RCAN2: variants seen among roughly 807,000 people sequenced by gnomAD.
RCAN2 encodes the protein calcipressin-2.
Under a neutral mutation model 23.6 loss-of-function variants are expected in RCAN2, and 9 were observed. That is an observed-to-expected ratio of 0.38 (90% CI 0.23 to 0.67). The LOEUF is 0.67. RCAN2 is among the 30% of genes least tolerant of loss of function. The pLI is 0.51. For missense variants in RCAN2, 273 were observed against 302.3 expected (o/e 0.90, Z 0.72); for synonymous variants, 109 against 115.7 (o/e 0.94, Z 0.37).
chr6:46,282,477 AAAAC>A (rs147302163), intron 2 of RCAN2, among the ~76,000 whole-genome samples: 115,119 of 150,672 alleles, frequency 0.76, 44,386 homozygotes, highest in Non-Finnish European at 0.83. Flanking sequence ...ACTCTGTCTC[AAAAC>A]AAACAAACAA....
chr6:46,457,269 C>T (rs1311773637), intron 1 of RCAN2, among the ~76,000 whole-genome samples: 2 of 152,128 alleles, frequency 1.3e-5, no homozygotes, highest in Admixed American at 1.3e-4. Context: ...CCACTACTAC[C>T]AATGTCTATC....
At chr6:46,312,124 T>G (rs1000399654) in intron 2 of RCAN2, among the ~76,000 whole-genome samples, 1 of 152,128 alleles carries the variant, frequency 6.6e-6, no homozygotes, top group Non-Finnish European at 1.5e-5. Context: ...ATACTTAACC[T>G]ATGAAGCTGT....
intron 2 of RCAN2, among the ~76,000 whole-genome samples, chr6:46,309,122 T>C (rs1356909287): frequency 6.6e-6 from 1 of 152,122 alleles, no homozygotes; most frequent in African/African-American, 2.4e-5. Flanking sequence ...TTTGCAGAAA[T>C]GAAGCCAGGA....
intron 2 of RCAN2, among the ~76,000 whole-genome samples, chr6:46,423,450 C>T (rs1367786222): frequency 1.3e-5 from 2 of 152,174 alleles, no homozygotes; most frequent in African/African-American, 2.4e-5. Flanking sequence ...GCTATTTCTC[C>T]TCCTTCTTGA....
At chr6:46,229,218 C>T (rs1326812320) in intron 4 of RCAN2, among the ~76,000 whole-genome samples, 1 of 152,092 alleles carries the variant, frequency 6.6e-6, no homozygotes, top group East Asian at 1.9e-4. Context: ...TCCTTCATTT[C>T]AACTTTGGAG....
chr6:46,388,542 T>C (rs2000107), intron 2 of RCAN2, among the ~76,000 whole-genome samples: 77,029 of 151,996 alleles, frequency 0.51, 20,027 homozygotes, highest in East Asian at 0.61. Flanking sequence ...AGACATGCAA[T>C]CAACCTTAAT....
intron 2 of RCAN2, among the ~76,000 whole-genome samples, chr6:46,439,061 A>G (rs922603677): frequency 6.6e-5 from 10 of 152,214 alleles, no homozygotes; most frequent in Admixed American, 3.3e-4. Flanking sequence ...TCTTAATCAG[A>G]AAACAGCCTT....
At chr6:46,357,787 A>G (rs1274673594) in intron 2 of RCAN2, among the ~76,000 whole-genome samples, 3 of 152,204 alleles carry the variant, frequency 2.0e-5, no homozygotes, top group African/African-American at 7.2e-5. Flanking sequence ...CTCTAGCAGG[A>G]GTTGGCAAGG....
At chr6:46,461,795 A>G (rs902605253) in intron 1 of RCAN2, among the ~76,000 whole-genome samples, 6 of 152,092 alleles carry the variant, frequency 3.9e-5, no homozygotes, top group African/African-American at 1.4e-4. Flanking sequence ...CATGTTGGTC[A>G]GCCTGATCTC....
chr6:46,273,400 T>G (rs1056250450), intron 2 of RCAN2, among the ~76,000 whole-genome samples: 1 of 152,210 alleles, frequency 6.6e-6, no homozygotes, highest in African/African-American at 2.4e-5. Context: ...GGTTTAAAAG[T>G]TGCTTTCACA....
At chr6:46,463,252 C>A (rs182155362) in intron 1 of RCAN2, among the ~76,000 whole-genome samples, 2 of 152,130 alleles carry the variant, frequency 1.3e-5, no homozygotes, top group African/African-American at 4.8e-5. Context: ...GCATACGAAG[C>A]ATAGAAAATA....
At chr6:46,357,242 G>A (rs530692905) in intron 2 of RCAN2, among the ~76,000 whole-genome samples, 4 of 152,290 alleles carry the variant, frequency 2.6e-5, no homozygotes, top group South Asian at 2.1e-4. Flanking sequence ...GCAACTAAAT[G>A]AAATTCAGAT....
chr6:46,289,752 G>A (rs1762484717), intron 2 of RCAN2, among the ~76,000 whole-genome samples: 1 of 152,142 alleles, frequency 6.6e-6, no homozygotes, highest in African/African-American at 2.4e-5. Flanking sequence ...TGCTAATTAT[G>A]GATGACACCC....
chr6:46,318,830 C>T (rs560650840), intron 2 of RCAN2, among the ~76,000 whole-genome samples: 1 of 152,236 alleles, frequency 6.6e-6, no homozygotes, highest in Non-Finnish European at 1.5e-5. Context: ...TATACTTACC[C>T]AAAAGGTGAA....
intron 2 of RCAN2, among the ~76,000 whole-genome samples, chr6:46,381,245 G>A (rs558219942): frequency 6.6e-6 from 1 of 152,268 alleles, no homozygotes; most frequent in South Asian, 2.1e-4. Flanking sequence ...GAATGGCAAA[G>A]TAAACAATCC....
In RCAN2 at chr6:46,222,968, A is replaced by G; in HGVS notation, c.*173T>C. 1 of 657,644 alleles carries G rather than the reference A, an allele frequency of 1.5e-6. No individual in the cohort carries two copies. Among genetic ancestry groups the G allele is most frequent in the South Asian group, 1.9e-5 (1 of 52,258 alleles). 40.7% of individuals were successfully genotyped at this position (657,644 alleles called of 1,614,324 possible). On this transcript the variant is annotated 3_prime_UTR_variant, in exon 5 of 5. Transcript: ENST00000371374. ...GGTTATACTTAATGGGTATGATATGATCAGGAGACATATCACCTTTTCCTA... is the reference window on the plus strand; with the variant it reads ...GGTTATACTTAATGGGTATGATATGGTCAGGAGACATATCACCTTTTCCTA...
rs752512240 is a variant in RCAN2 at position 46,223,090 on chromosome 6, GAAA to G, written c.*48_*50del. Reference sequence around the variant, plus strand: ...AATTTTTTTTGACAAACAACAGGGGGAAAAAGCATGATAAAGAGGAGACGGCTA... The same window carrying G: ...AATTTTTTTTGACAAACAACAGGGGGAAGCATGATAAAGAGGAGACGGCTA... On this transcript the variant is annotated 3_prime_UTR_variant, in exon 5 of 5. Transcript: ENST00000371374. 2 of 1,590,392 alleles carry G rather than the reference GAAA, an allele frequency of 1.3e-6. No individual in the cohort carries two copies. Among genetic ancestry groups the G allele is most frequent in the African/African-American group, 2.7e-5 (2 of 73,776 alleles).
At chr6:46,436,946 G>T (rs1241448277) in intron 2 of RCAN2, among the ~76,000 whole-genome samples, 10 of 152,084 alleles carry the variant, frequency 6.6e-5, no homozygotes, top group Non-Finnish European at 1.3e-4. Context: ...TTCCCAGTAG[G>T]CACCAATGCC....
At chr6:46,239,223 A>G (rs375421498) in intron 4 of RCAN2, among the ~76,000 whole-genome samples, 1 of 152,240 alleles carries the variant, frequency 6.6e-6, no homozygotes, top group Non-Finnish European at 1.5e-5. Flanking sequence ...CATAAAAATC[A>G]TAGCTATTTG....
Sources: gnomAD v4.1 joint callset for allele counts (sites outside exome capture counted in the v4.1 genomes callset) on GRCh38, gnomAD v4.1.1 for gene constraint, MANE v1.5 for transcripts, NCBI Gene and HGNC (gene_info 2026-07-23, HGNC 2026-07-21) for gene names.